The following EAF2 variants were observed in gnomAD, a reference collection of about 807,000 sequenced individuals.
EAF2 encodes ELL-associated factor 2.
Under a neutral mutation model 29.4 loss-of-function variants are expected in EAF2, and 29 were observed. That is an observed-to-expected ratio of 0.99 (90% CI 0.73 to 1.35). The LOEUF (loss-of-function observed/expected upper bound fraction) is 1.35, where lower values mean the gene tolerates loss of function less well. Ranked by LOEUF, EAF2 falls within the 40% of genes most tolerant of loss-of-function variation. The probability of loss-of-function intolerance (pLI) is 0.00; values close to 1 mark genes in which losing one functional copy is unlikely to be tolerated. For missense variants in EAF2, 292 were observed against 312.0 expected, an observed-to-expected ratio of 0.94 and a Z score of 0.48; for synonymous variants, 103 against 102.5, an observed-to-expected ratio of 1.00 and a Z score of -0.03.
chr3:121,882,838 A>G (rs755386250), intron 5 of EAF2, among the ~76,000 whole-genome samples: 86 of 151,580 alleles, frequency 5.7e-4, no homozygotes, highest in Non-Finnish European at 9.3e-4. Flanking sequence ...GATGTATCTA[A>G]ACTAGGAGTT....
chr3:121,873,394 CA>C (rs2107541358), intron 5 of EAF2, among the ~76,000 whole-genome samples: 1 of 151,932 alleles, frequency 6.6e-6, no homozygotes, highest in East Asian at 1.9e-4. Context: ...ACTCCTTCAT[CA>C]AGTCCTATTT....
chr3:121,846,925 A>G (rs769287942), intron 2 of EAF2, among the ~76,000 whole-genome samples: 16 of 152,180 alleles, frequency 1.1e-4, no homozygotes, highest in Non-Finnish European at 2.2e-4. Flanking sequence ...TCTTAAAGGA[A>G]GCACAGTTAC....
chr3:121,875,510 A>G (rs1709080802), intron 5 of EAF2, among the ~76,000 whole-genome samples: 1 of 152,038 alleles, frequency 6.6e-6, no homozygotes, highest in East Asian at 1.9e-4. Context: ...GAGGATAGAG[A>G]AAAACAGAAA....
intron 4 of EAF2, among the ~76,000 whole-genome samples, chr3:121,858,355 G>A (rs751239313): frequency 2.0e-5 from 3 of 152,098 alleles, no homozygotes; most frequent in Non-Finnish European, 4.4e-5. Context: ...TTTAATGATC[G>A]CCATTCTAAC....
In EAF2 at chr3:121,847,646, G is replaced by C. The variant is rs114019501; in HGVS notation, c.201+3099G>C. ...AGTGAAAATGAAAGAGTTGGGGAGA[G>C]GGGGGGAGGAAGTATGCAAGGAGAA... On this transcript the variant is annotated intron_variant, in intron 2 of 5. Transcript: ENST00000273668. Among the ~76,000 whole-genome samples, 4 of 152,048 alleles carry C rather than the reference G, an allele frequency of 2.6e-5. No homozygotes were observed. In the South Asian group the frequency reaches 8.3e-4, roughly 32 times the overall value.
chr3:121,876,509 C>T (rs752181348), intron 5 of EAF2, among the ~76,000 whole-genome samples: 13 of 151,804 alleles, frequency 8.6e-5, no homozygotes, highest in Non-Finnish European at 1.5e-4. Context: ...TAACCTTTGA[C>T]TATAAAGATA....
intron 4 of EAF2, among the ~76,000 whole-genome samples, chr3:121,869,438 T>C (rs566470679): frequency 1.3e-5 from 2 of 152,294 alleles, no homozygotes; most frequent in African/African-American, 4.8e-5. Flanking sequence ...CGGAGAACAC[T>C]GTTGATAAAC....
intron 2 of EAF2, among the ~76,000 whole-genome samples, chr3:121,852,640 A>G (rs1576642494): frequency 1.3e-5 from 2 of 152,168 alleles, no homozygotes; most frequent in South Asian, 4.1e-4. Context: ...TGGCATTTTC[A>G]ATTACCTAAT....
chr3:121,883,422 A>C (rs556810684), intron 5 of EAF2, among the ~76,000 whole-genome samples: 1 of 152,362 alleles, frequency 6.6e-6, no homozygotes, highest in Admixed American at 6.5e-5. Flanking sequence ...AATCATCTTC[A>C]GTTTACATGA....
chr3:121,880,317 T>C (rs918721248), intron 5 of EAF2, among the ~76,000 whole-genome samples: 2 of 151,842 alleles, frequency 1.3e-5, no homozygotes, highest in Non-Finnish European at 2.9e-5. Flanking sequence ...AATTTTTTTT[T>C]TTTTTAATAG....
At chr3:121,836,580 G>A in intron 1 of EAF2, 1 of 943,448 alleles carries the variant, frequency 1.1e-6, no homozygotes, top group East Asian at 1.2e-4. Context: ...TGAGATATTT[G>A]TGAACAGAAA....
chr3:121,835,235 G>A lies in EAF2; in HGVS notation c.-51G>A. 1 of 1,556,626 alleles carries A rather than the reference G, an allele frequency of 6.4e-7. No individual in the cohort carries two copies. The highest frequency in any genetic ancestry group is 1.4e-5 in the African/African-American group (1 of 73,934). ...AGTGCAGCTGCTTCAGGCTGAGGTG[G>A]CAGATAGTGAGCGCTGGTGGCGGAG... On this transcript the variant is annotated 5_prime_UTR_variant, in exon 1 of 6. Coordinates refer to ENST00000273668, the MANE Select transcript of EAF2 (RefSeq NM_018456.6).
Position 121,857,100 on chromosome 3 carries a change from A to G in EAF2, c.428A>G (p.His143Arg), listed in dbSNP as rs367693877. The stretch of plus-strand genomic sequence containing the variant: ...GCCAGGACTCCCAATCTTGTAAAAC[A>G]TTCTCCATCTGAAGATAAGATGTCC... ...NSARTPNLVK[H>R]SPSEDKMSPA... is the part of the protein sequence containing the mutation. Residue 143 changes from histidine (H) to arginine (R), a missense_variant, in exon 4 of 6, where the codon CAT becomes CGT. Coordinates refer to ENST00000273668, the MANE Select transcript of EAF2 (RefSeq NM_018456.6). 7 of 1,613,810 alleles carry G rather than the reference A, an allele frequency of 4.3e-6. No individual in the cohort carries two copies. The African/African-American group carries it at 5.3e-5, about 12-fold the overall frequency.
chr3:121,867,564 G>A (rs902956173), intron 4 of EAF2, among the ~76,000 whole-genome samples: 1 of 152,192 alleles, frequency 6.6e-6, no homozygotes, highest in Admixed American at 6.5e-5. Flanking sequence ...CTTCAGTAAT[G>A]AGGGGCAAAT....
chr3:121,855,048 A>G (rs1296930970), intron 3 of EAF2, among the ~76,000 whole-genome samples: 2 of 152,200 alleles, frequency 1.3e-5, no homozygotes, highest in African/African-American at 2.4e-5. Context: ...AATGCTTTCT[A>G]TAGGTATAGG....
At chr3:121,856,990 A>G (rs1274049193) in intron 3 of EAF2, 21 bp from the exon 4 acceptor site, 2 of 1,598,746 alleles carry the variant, frequency 1.3e-6, no homozygotes, top group Non-Finnish European at 1.7e-6. Flanking sequence ...CTGTTTCAAT[A>G]TTTGATATTC....
At chr3:121,855,276 A>G (rs1436630501) in intron 3 of EAF2, among the ~76,000 whole-genome samples, 1 of 152,216 alleles carries the variant, frequency 6.6e-6, no homozygotes, top group Non-Finnish European at 1.5e-5. Flanking sequence ...CAATAGGAGA[A>G]TATACCCATC....
chr3:121,878,383 A>T (rs1709137012), intron 5 of EAF2, among the ~76,000 whole-genome samples: 1 of 152,108 alleles, frequency 6.6e-6, no homozygotes, highest in Non-Finnish European at 1.5e-5. Context: ...TACCTCAAAC[A>T]TTTGTCCTTT....
chr3:121,879,466 T>G (rs1417661698), intron 5 of EAF2, among the ~76,000 whole-genome samples: 1 of 152,088 alleles, frequency 6.6e-6, no homozygotes, highest in Non-Finnish European at 1.5e-5. Flanking sequence ...TTGGCCCAGA[T>G]TAATCTCTTA....
Sources: gnomAD v4.1 joint callset for allele counts (sites outside exome capture counted in the v4.1 genomes callset) on GRCh38, gnomAD v4.1.1 for gene constraint, MANE v1.5 for transcripts, NCBI Gene and HGNC (gene_info 2026-07-23, HGNC 2026-07-21) for gene names.